Variants in GREB1 observed in about 807,000 individuals in gnomAD.
GREB1 encodes the protein growth regulating estrogen receptor binding 1, also known as protein GREB1.
In GREB1, 106 loss-of-function variants were observed where a neutral mutation model predicts 200.7. The observed-to-expected ratio is 0.53, with a 90% CI of 0.45 to 0.62. The LOEUF is 0.62. Among genes scored for constraint, GREB1 ranks in the 20% least tolerant of loss-of-function variants. The probability of loss-of-function intolerance (pLI) is 0.00; values close to 1 mark genes in which losing one functional copy is unlikely to be tolerated. For missense variants in GREB1, 2,243 were observed against 2,556.8 expected (o/e 0.88, Z 2.65); for synonymous variants, 1,132 against 1,092.4 (o/e 1.04, Z -0.72).
At position 11,585,166 on chromosome 2, in the gene GREB1, T is replaced by C; in HGVS notation, c.907T>C (p.Leu303=). ...ALPRPSALGI[L]SNSGPPKKRH... ...ACACTCTGAATATTGTCTAGGTATCTTGTCAAACTCCGGGCCCCCCAAAAA... is the reference window on the plus strand; with the variant it reads ...ACACTCTGAATATTGTCTAGGTATCCTGTCAAACTCCGGGCCCCCCAAAAA... Residue 303 remains leucine (L), a synonymous_variant, in exon 8 of 33, where the codon TTG becomes CTG. Transcript: ENST00000381486. The C allele has an allele frequency of 6.4e-7, 1 of 1,559,632 alleles. No individual in the cohort carries two copies. The highest frequency in any genetic ancestry group is 8.7e-7 in the Non-Finnish European group (1 of 1,154,914).
At chr2:11,566,695 AT>A in intron 4 of GREB1, 39 bp downstream of exon 4, 1 of 1,575,878 alleles carries the variant, frequency 6.3e-7, no homozygotes. Flanking sequence ...CTCCTTCTGC[AT>A]GGGGTAGAGC....
Position 11,561,361 on chromosome 2 carries a change from A to G in GREB1, c.158-1102A>G, listed in dbSNP as rs932688556. The G allele has an allele frequency of 4.5e-5, 5 of 110,708 alleles. No homozygotes were observed. The South Asian group carries it at 1.7e-3, about 38-fold the overall frequency. 6.9% of individuals were successfully genotyped at this position (110,708 alleles called of 1,614,324 possible). On this transcript the variant is annotated intron_variant, in intron 2 of 32. Transcript: ENST00000381486. ...TTACATGCATTCTTCCCTTGGGGAT[A>G]TTTTTTTTTTTTTTTTTTTGAGACG... is the stretch of plus-strand genomic sequence containing the variant.
intron 1 of GREB1, among the ~76,000 whole-genome samples, chr2:11,538,103 C>T (rs974323014): frequency 6.6e-6 from 1 of 152,174 alleles, no homozygotes; most frequent in Non-Finnish European, 1.5e-5. Flanking sequence ...ACGAGTAAAG[C>T]CCTGGCACTA....
Position 11,566,532 on chromosome 2 carries a change from C to A in GREB1, c.330C>A (p.Pro110=). 6.2e-7 allele frequency: 1 copy of A among 1,614,088 alleles called. No homozygotes were observed. The highest frequency in any genetic ancestry group is 8.5e-7 in the Non-Finnish European group (1 of 1,180,002). The part of the protein sequence containing the change: ...DLRLVSISNE[P]MDVPAGFLLV... Reference sequence around the variant, plus strand: ...GCCTTGTCTCCATTTCCAACGAGCCCATGGATGTCCCTGCGGGCTTTCTCC... The same window carrying A: ...GCCTTGTCTCCATTTCCAACGAGCCAATGGATGTCCCTGCGGGCTTTCTCC... The change falls in exon 4 of 33, where the codon CCC becomes CCA. Residue 110 remains proline (P), a synonymous_variant. Coordinates refer to ENST00000381486, the MANE Select transcript of GREB1 (RefSeq NM_014668.4).
At chr2:11,595,892 T>A (rs953582210) in intron 12 of GREB1, among the ~76,000 whole-genome samples, 1 of 152,126 alleles carries the variant, frequency 6.6e-6, no homozygotes, top group Non-Finnish European at 1.5e-5. Flanking sequence ...TTGTTCTTCC[T>A]TCTGCCCTAG....
intron 1 of GREB1, among the ~76,000 whole-genome samples, chr2:11,513,539 TCTC>T (rs1673407286): frequency 6.6e-6 from 1 of 152,212 alleles, no homozygotes; most frequent in South Asian, 2.1e-4. Context: ...CCTTCCCTGA[TCTC>T]CTTAGCTGGT....
At chr2:11,621,677 C>T (rs116317634) in intron 23 of GREB1, among the ~76,000 whole-genome samples, 2,194 of 152,246 alleles carry the variant, frequency 0.014, 48 homozygotes, top group African/African-American at 0.05. Flanking sequence ...GCTTGTCAGA[C>T]GAGTCCTGTC....
rs1681344242 is a variant in GREB1 at position 11,597,126 on chromosome 2, G to A, written c.1955-655G>A. Among the ~76,000 whole-genome samples the A allele has an allele frequency of 6.6e-6, 1 of 152,076 alleles. No individual in the cohort carries two copies. The highest frequency in any genetic ancestry group is 1.5e-5 in the Non-Finnish European group (1 of 67,982). On this transcript the variant is annotated intron_variant, in intron 13 of 32. Coordinates refer to ENST00000381486, the MANE Select transcript of GREB1 (RefSeq NM_014668.4). This position sits in a 1 kb window ranked among gnomAD's most constrained non-coding sequence, Gnocchi z 4.1. ...GGCTCATGTGTGCTCGGTGGGCGAT[G>A]AGAGGGCACTGGCGAGGGCCTCGGT... is the stretch of plus-strand genomic sequence containing the variant.
intron 17 of GREB1, among the ~76,000 whole-genome samples, chr2:11,607,602 A>ACATATAGATACATATATG (rs1558625541): frequency 1.1e-4 from 5 of 44,070 alleles, no homozygotes; most frequent in Non-Finnish European, 2.6e-4. Context: ...ACATATATAT[A>ACATATAGATACATATATG]CATATATACA....
chr2:11,537,827 A>G (rs1174032874), intron 1 of GREB1, among the ~76,000 whole-genome samples: 1 of 150,824 alleles, frequency 6.6e-6, no homozygotes, highest in African/African-American at 2.4e-5. Flanking sequence ...GATCTCATAT[A>G]TAAGAATTTA....
chr2:11,535,869 T>G (rs1674269107), intron 1 of GREB1, among the ~76,000 whole-genome samples: 1 of 152,252 alleles, frequency 6.6e-6, no homozygotes, highest in African/African-American at 2.4e-5. Flanking sequence ...TGCCTGGATA[T>G]GGATGTCGGA....
chr2:11,548,226 G>A lies in GREB1; in HGVS notation c.-161-8228G>A, dbSNP rs1376898559. 2.7e-5 allele frequency among the ~76,000 whole-genome samples: 4 copies of A among 150,128 alleles called. No homozygotes were observed. The highest frequency in any genetic ancestry group is 4.9e-5 in the African/African-American group (2 of 40,856). On this transcript the variant is annotated intron_variant, in intron 1 of 32. Transcript: ENST00000381486. The surrounding 1 kb of genome is among the most constrained non-coding windows in gnomAD (Gnocchi z 5.1). ...TTCTCACATGCACACAGCCAGACATGTGCACACATGTGCACATACCCAAAC... is the reference window on the plus strand; with the variant it reads ...TTCTCACATGCACACAGCCAGACATATGCACACATGTGCACATACCCAAAC...
chr2:11,619,005 C>T (rs1683773809), intron 22 of GREB1, 86 bp downstream of exon 22: 9 of 1,237,246 alleles, frequency 7.3e-6, no homozygotes, highest in East Asian at 5.1e-5. Flanking sequence ...GGGGTGACCG[C>T]ACCCACGTCT....
Position 11,522,473 on chromosome 2 carries a change from C to T in GREB1, c.-158-33984C>T, listed in dbSNP as rs142106752. Among the ~76,000 whole-genome samples, 15 of 152,226 alleles carry T rather than the reference C, an allele frequency of 9.9e-5. 1 individual carries two copies. Among genetic ancestry groups the T allele is most frequent in the African/African-American group, 3.4e-4 (14 of 41,544 alleles). ...ACTTGGCTGGGTCTGTCACAACTGT[C>T]GCCTGAATACTGGTTTTTGTGCTGG... On this transcript the variant is annotated intron_variant, in intron 1 of 2. Coordinates refer to the GREB1 transcript ENST00000628795.
chr2:11,547,644 A>G (rs532123264), intron 1 of GREB1, among the ~76,000 whole-genome samples: 1 of 152,364 alleles, frequency 6.6e-6, no homozygotes, highest in Admixed American at 6.5e-5. Context: ...TTTAAAATGA[A>G]AAATGAAAAT....
chr2:11,612,781 C>T (rs1683051718), intron 19 of GREB1, among the ~76,000 whole-genome samples, 171 bp downstream of exon 19: 1 of 152,320 alleles, frequency 6.6e-6, no homozygotes, highest in South Asian at 2.1e-4. Flanking sequence ...GGCCTGAGTG[C>T]GTCTGAGGCC....
At chr2:11,588,555 T>G in intron 9 of GREB1, 191 bp from the exon 10 acceptor site, 1 of 656,462 alleles carries the variant, frequency 1.5e-6, no homozygotes, top group East Asian at 2.8e-5. Context: ...AAAAGGTGAC[T>G]CCTCTCATCC....
Position 11,580,605 on chromosome 2 carries a change from C to A in GREB1, c.773-99C>A. Reference sequence around the variant, plus strand: ...CCTGATGAGACTTGCTGGGGAAAAGCTAGTTTGTGAAACTGCAAGGAAAAT... The same window carrying A: ...CCTGATGAGACTTGCTGGGGAAAAGATAGTTTGTGAAACTGCAAGGAAAAT... On this transcript the variant is annotated intron_variant, in intron 6 of 32. Transcript: ENST00000381486. The surrounding 1 kb of genome is among the most constrained non-coding windows in gnomAD (Gnocchi z 4.5). 2 of 1,388,314 alleles carry A rather than the reference C, an allele frequency of 1.4e-6. No homozygotes were observed. Among genetic ancestry groups the A allele is most frequent in the Non-Finnish European group, 2.0e-6 (2 of 1,017,294 alleles). 86.0% of individuals were successfully genotyped at this position (1,388,314 alleles called of 1,614,324 possible).
intron 15 of GREB1, 101 bp from the exon 16 acceptor site, chr2:11,600,699 G>A: frequency 1.1e-6 from 1 of 899,190 alleles, no homozygotes; most frequent in Non-Finnish European, 1.8e-6. Context: ...TTTAGTCGTT[G>A]GTAAAGTCAG....
Sources: gnomAD v4.1 joint callset for allele counts (sites outside exome capture counted in the v4.1 genomes callset) on GRCh38, gnomAD v4.1.1 for gene constraint, Gnocchi (gnomAD v3.1) non-coding constraint, MANE v1.5 for transcripts, NCBI Gene and HGNC (gene_info 2026-07-23, HGNC 2026-07-21) for gene names.